The following PKP4 variants were observed in gnomAD, a reference collection of about 807,000 sequenced individuals.
The protein encoded by PKP4 is plakophilin 4, also known as plakophilin-4.
PKP4 carries 90 observed loss-of-function variants against 145.1 expected under a neutral mutation model. The ratio of observed to expected loss-of-function variants is 0.62; its 90% CI spans 0.52 to 0.74. The LOEUF is 0.74. PKP4 is among the 30% of genes least tolerant of loss of function. The pLI is 0.00. For synonymous variants in PKP4, 563 were observed against 577.2 expected (o/e 0.98, Z 0.35); for missense variants, 1,340 against 1,482.7 (o/e 0.90, Z 1.58).
intron 1 of PKP4, among the ~76,000 whole-genome samples, chr2:158,486,991 A>G (rs984335324): frequency 2.0e-5 from 3 of 152,236 alleles, no homozygotes; most frequent in African/African-American, 7.2e-5. Context: ...ACTATCTTCC[A>G]TGTCAGCTTC....
chr2:158,653,147 T>C (rs936113063), intron 11 of PKP4, among the ~76,000 whole-genome samples: 5 of 152,188 alleles, frequency 3.3e-5, no homozygotes, highest in Non-Finnish European at 7.3e-5. Flanking sequence ...TGTCTAAAAA[T>C]GAGTGGTTTA....
chr2:158,582,593 A>G (rs905880053), intron 3 of PKP4, among the ~76,000 whole-genome samples: 1 of 152,198 alleles, frequency 6.6e-6, no homozygotes, highest in Non-Finnish European at 1.5e-5. Context: ...AGAAAAACAA[A>G]CTAGGTTGCT....
chr2:158,503,779 A>G (rs185607862), intron 1 of PKP4, among the ~76,000 whole-genome samples: 110 of 152,236 alleles, frequency 7.2e-4, no homozygotes, highest in Non-Finnish European at 1.2e-3. Context: ...GTATTACCTC[A>G]TGATGTGTTA....
chr2:158,653,093 G>C (rs1280832345), intron 11 of PKP4, among the ~76,000 whole-genome samples: 1 of 152,070 alleles, frequency 6.6e-6, no homozygotes, highest in Non-Finnish European at 1.5e-5. Flanking sequence ...CAAACACTTG[G>C]GCTCTTTTTA....
intron 2 of PKP4, among the ~76,000 whole-genome samples, chr2:158,567,112 TTTG>T (rs199618417): frequency 4.4e-4 from 67 of 151,992 alleles, no homozygotes; most frequent in African/African-American, 1.4e-3. Context: ...GTTTTCTGGG[TTTG>T]TTGTTGTTGT....
chr2:158,657,858 C>T (rs1419649170), intron 11 of PKP4, among the ~76,000 whole-genome samples: 1 of 152,082 alleles, frequency 6.6e-6, no homozygotes, highest in Non-Finnish European at 1.5e-5. Context: ...TTTGCAAAAT[C>T]CACAGTCACC....
chr2:158,657,826 C>G (rs1022540060), intron 11 of PKP4, among the ~76,000 whole-genome samples: 3 of 152,188 alleles, frequency 2.0e-5, no homozygotes, highest in Admixed American at 6.5e-5. Flanking sequence ...GCCCCTCTCC[C>G]TTTGCAGAGT....
chr2:158,560,769 CTCT>C (rs2046446997), intron 2 of PKP4, among the ~76,000 whole-genome samples: 1 of 152,178 alleles, frequency 6.6e-6, no homozygotes, highest in Non-Finnish European at 1.5e-5. Context: ...CACCCAACTC[CTCT>C]GATGTGGTTG....
intron 1 of PKP4, among the ~76,000 whole-genome samples, chr2:158,486,380 T>A (rs1242352865): frequency 6.6e-6 from 1 of 152,236 alleles, no homozygotes; most frequent in Non-Finnish European, 1.5e-5. Flanking sequence ...TATTTTCCAC[T>A]GTATCAAATT....
intron 4 of PKP4, among the ~76,000 whole-genome samples, chr2:158,615,284 G>C (rs2105879452): frequency 1.3e-5 from 2 of 151,978 alleles, no homozygotes; most frequent in East Asian, 3.9e-4. Flanking sequence ...TCCATAAGCT[G>C]ACTTTTTATA....
Position 158,676,733 on chromosome 2 carries a change from C to G in PKP4, c.3128-6C>G. The G allele has an allele frequency of 6.2e-7, 1 of 1,614,144 alleles. No homozygotes were observed. The highest frequency in any genetic ancestry group is 8.5e-7 in the Non-Finnish European group (1 of 1,179,998). On this transcript the variant is annotated splice_polypyrimidine_tract_variant and splice_region_variant and intron_variant, in intron 19 of 21. Coordinates refer to ENST00000389759, the MANE Select transcript of PKP4 (RefSeq NM_003628.6). ...TCTTTCTCTCCTCCTTTGCCTCTCC[C>G]TTCAGTCGGCAGCACCTCTTCCTCA...
At chr2:158,633,918 G>C (rs1183041398) in intron 8 of PKP4, 152 bp from the exon 9 acceptor site, 4 of 554,926 alleles carry the variant, frequency 7.2e-6, no homozygotes, top group Non-Finnish European at 1.3e-5. Context: ...ACCCTTTTTA[G>C]CACTAATAAG....
At chr2:158,532,759 A>G (rs1380860038) in intron 1 of PKP4, among the ~76,000 whole-genome samples, 3 of 152,250 alleles carry the variant, frequency 2.0e-5, no homozygotes, top group Non-Finnish European at 4.4e-5. Context: ...ATAGGACTCC[A>G]CCAAGGGTGA....
chr2:158,601,266 C>T (rs933579841), intron 3 of PKP4, among the ~76,000 whole-genome samples: 3 of 152,080 alleles, frequency 2.0e-5, no homozygotes, highest in African/African-American at 7.2e-5. Flanking sequence ...AAGTTTCAAA[C>T]TCAGAAGATA....
At position 158,530,298 on chromosome 2, in the gene PKP4, A is replaced by G. The variant is rs1359349021; in HGVS notation, c.-5-2882A>G. Among the ~76,000 whole-genome samples, 4 of 152,002 alleles carry G rather than the reference A, an allele frequency of 2.6e-5. No individual in the cohort carries two copies. The East Asian group carries it at 5.8e-4, about 22-fold the overall frequency. On this transcript the variant is annotated intron_variant, in intron 1 of 21. Coordinates refer to ENST00000389759, the MANE Select transcript of PKP4 (RefSeq NM_003628.6). The stretch of plus-strand genomic sequence containing the variant: ...TGAAGAGTCTACCTTCCCTTTTTCC[A>G]AAAACAGCCATGGCATTTTCCTCCT...
chr2:158,502,994 G>A (rs1696812302), intron 1 of PKP4, among the ~76,000 whole-genome samples: 2 of 152,132 alleles, frequency 1.3e-5, no homozygotes, highest in Non-Finnish European at 1.5e-5. Context: ...AAAGACTTTA[G>A]GCCTGTAATA....
chr2:158,674,151 T>A, intron 19 of PKP4, 151 bp downstream of exon 19: 1 of 693,806 alleles, frequency 1.4e-6, no homozygotes. Flanking sequence ...CACACACCAT[T>A]ATAAACCACA....
chr2:158,664,204 C>T (rs988705758), intron 15 of PKP4, among the ~76,000 whole-genome samples: 3 of 152,198 alleles, frequency 2.0e-5, no homozygotes, highest in Non-Finnish European at 4.4e-5. Context: ...TGCAGCAATA[C>T]AAAGGTGAGA....
At chr2:158,503,279 C>A (rs1696855929) in intron 1 of PKP4, among the ~76,000 whole-genome samples, 1 of 152,220 alleles carries the variant, frequency 6.6e-6, no homozygotes, top group South Asian at 2.1e-4. Context: ...TTCATTCAAT[C>A]CATATTTACT....
Sources: gnomAD v4.1 joint callset for allele counts (sites outside exome capture counted in the v4.1 genomes callset) on GRCh38, gnomAD v4.1.1 for gene constraint, MANE v1.5 for transcripts, NCBI Gene and HGNC (gene_info 2026-07-23, HGNC 2026-07-21) for gene names.